The following GALNT9 variants were observed in gnomAD, a reference collection of about 807,000 sequenced individuals.
GALNT9 encodes GalNAc transferase 9.
Under a neutral mutation model 63.1 loss-of-function variants are expected in GALNT9, and 47 were observed. That is an observed-to-expected ratio of 0.75 (90% CI 0.59 to 0.95). The LOEUF (loss-of-function observed/expected upper bound fraction) is 0.95, where lower values mean the gene tolerates loss of function less well. Among genes scored for constraint, GALNT9 ranks in the 40% least tolerant of loss-of-function variants. GALNT9 has a pLI of 0.00. For missense variants in GALNT9, 829 were observed against 874.8 expected, an observed-to-expected ratio of 0.95 and a Z score of 0.66; for synonymous variants, 396 against 365.7, an observed-to-expected ratio of 1.08 and a Z score of -0.94.
chr12:132,211,325 A>C (rs1396123995), intron 6 of GALNT9, among the ~76,000 whole-genome samples: 1 of 152,184 alleles, frequency 6.6e-6, no homozygotes. Context: ...TCTCATTGGC[A>C]AAAATGTGTT....
intron 1 of GALNT9, among the ~76,000 whole-genome samples, chr12:132,328,212 G>T (rs1310888853): frequency 1.3e-5 from 2 of 152,180 alleles, no homozygotes; most frequent in East Asian, 3.9e-4. Flanking sequence ...GGTGATGCCG[G>T]TGCTGCTCCT....
At chr12:132,304,278 C>T (rs1220531664) in intron 1 of GALNT9, among the ~76,000 whole-genome samples, 15 of 65,982 alleles carry the variant, frequency 2.3e-4, no homozygotes, top group South Asian at 8.0e-4. Context: ...CACCCTCGCC[C>T]GGGCACACCC....
At chr12:132,312,783 A>G (rs1881860263) in intron 1 of GALNT9, among the ~76,000 whole-genome samples, 1 of 152,160 alleles carries the variant, frequency 6.6e-6, no homozygotes, top group Admixed American at 6.5e-5. Flanking sequence ...GCCTGCCCTG[A>G]ACCCCTGTTG....
chr12:132,222,918 C>A (rs1474878064), intron 6 of GALNT9, among the ~76,000 whole-genome samples: 1 of 124,420 alleles, frequency 8.0e-6, no homozygotes, highest in Non-Finnish European at 1.8e-5. Flanking sequence ...CCACATACAT[C>A]CCACACAACC....
chr12:132,260,462 G>A (rs1381767287), intron 4 of GALNT9, among the ~76,000 whole-genome samples: 5 of 152,054 alleles, frequency 3.3e-5, no homozygotes, highest in South Asian at 2.1e-4. Flanking sequence ...CACTTCCCAC[G>A]CCCCTTGCAC....
At chr12:132,260,604 G>A (rs28478238) in intron 4 of GALNT9, among the ~76,000 whole-genome samples, 2 of 152,188 alleles carry the variant, frequency 1.3e-5, no homozygotes, top group African/African-American at 2.4e-5. Flanking sequence ...CACGGTACCC[G>A]AGCCTGCTGG....
intron 2 of GALNT9, chr12:132,283,173 T>A (rs1357430864): frequency 6.6e-6 from 1 of 152,410 alleles, no homozygotes; most frequent in Non-Finnish European, 1.5e-5. Context: ...ACAGCGGTGC[T>A]GGGATCCTCC....
chr12:132,293,471 C>G (rs1202489693), intron 1 of GALNT9, among the ~76,000 whole-genome samples: 4 of 152,204 alleles, frequency 2.6e-5, no homozygotes, highest in African/African-American at 4.8e-5. Flanking sequence ...ATGACCCATG[C>G]TGGAGCCAAG....
chr12:132,202,480 G>A (rs1057102561), intron 7 of GALNT9, among the ~76,000 whole-genome samples: 2 of 152,232 alleles, frequency 1.3e-5, no homozygotes. Context: ...CACACGCTGG[G>A]GTGCACTCTA....
intron 6 of GALNT9, among the ~76,000 whole-genome samples, chr12:132,206,724 G>T (rs1394634860): frequency 1.3e-5 from 2 of 152,044 alleles, no homozygotes; most frequent in African/African-American, 4.8e-5. Context: ...CCGTGGACCT[G>T]ACCGTGACCC....
intron 2 of GALNT9, among the ~76,000 whole-genome samples, chr12:132,268,132 C>T (rs1879719428): frequency 7.4e-6 from 1 of 135,270 alleles, no homozygotes; most frequent in South Asian, 2.6e-4. Context: ...CACACACACT[C>T]ACGCTCACAC....
chr12:132,276,382 A>T (rs535414499), intron 2 of GALNT9: 66 of 155,140 alleles, frequency 4.3e-4, no homozygotes, highest in African/African-American at 8.9e-4. Context: ...TATCTCCACG[A>T]TGGTACCTGG....
chr12:132,287,043 G>A (rs1370308148), intron 1 of GALNT9, among the ~76,000 whole-genome samples: 3 of 139,588 alleles, frequency 2.1e-5, no homozygotes, highest in African/African-American at 8.2e-5. Context: ...CACAGCAGGT[G>A]TGACACTGAG....
rs188967775 is a variant in GALNT9, at chr12:132,316,694, C to T, written c.238+12272G>A. On this transcript the variant is annotated intron_variant, in intron 1 of 10. Transcript: ENST00000328957. The surrounding 1 kb of genome is among the most constrained non-coding windows in gnomAD (Gnocchi z 4.3). ...AGTCCCTCAGCCACCCTTTCAGATC[C>T]GACAGGGACGCCCACCCCAGCCCAC... Among the ~76,000 whole-genome samples, 10 of 152,148 alleles carry T rather than the reference C, an allele frequency of 6.6e-5. No homozygotes were observed. Among genetic ancestry groups the T allele is most frequent in the South Asian group, 2.1e-4 (1 of 4,824 alleles).
rs186157551 is a variant in GALNT9 at position 132,310,452 on chromosome 12, C to G, written c.238+18514G>C. On this transcript the variant is annotated intron_variant, in intron 1 of 10. Coordinates refer to ENST00000328957, the MANE Select transcript of GALNT9 (RefSeq NM_001122636.2). The surrounding 1 kb of genome is among the most constrained non-coding windows in gnomAD (Gnocchi z 4.8). The stretch of plus-strand genomic sequence containing the variant: ...ACAGCCCCACCCAGAAGGACGGGGC[C>G]GGCCATCTCCTGGAGGCTGAGAGCC... Among the ~76,000 whole-genome samples the G allele has an allele frequency of 1.3e-5, 2 of 152,158 alleles. No individual in the cohort carries two copies. The highest frequency in any genetic ancestry group is 2.1e-4 in the South Asian group (1 of 4,820).
chr12:132,261,532 G>A (rs1398929485), intron 3 of GALNT9, among the ~76,000 whole-genome samples: 2 of 152,188 alleles, frequency 1.3e-5, no homozygotes, highest in African/African-American at 2.4e-5. Flanking sequence ...ACAGGTAGCC[G>A]AGCTGGACTG....
chr12:132,323,338 G>A (rs372389432), intron 1 of GALNT9, among the ~76,000 whole-genome samples: 1 of 152,230 alleles, frequency 6.6e-6, no homozygotes, highest in Non-Finnish European at 1.5e-5. Flanking sequence ...GGGCTGCTGC[G>A]TTTGCAGACA....
chr12:132,264,373 G>A (rs1475668375), intron 2 of GALNT9, among the ~76,000 whole-genome samples: 2 of 152,226 alleles, frequency 1.3e-5, no homozygotes, highest in African/African-American at 4.8e-5. Context: ...AAGCCGAGCC[G>A]GGATGGCCTA....
intron 10 of GALNT9, 141 bp downstream of exon 10, chr12:132,197,651 A>C: frequency 1.5e-6 from 1 of 666,668 alleles, no homozygotes; most frequent in East Asian, 2.7e-5. Context: ...GGAACAGCTG[A>C]TCCAAGGCCC....
Sources: allele counts gnomAD v4.1 joint callset (sites outside exome capture counted in the v4.1 genomes callset), GRCh38; gene constraint gnomAD v4.1.1; non-coding constraint Gnocchi (gnomAD v3.1); transcripts MANE v1.5; gene names NCBI Gene and HGNC (gene_info 2026-07-23, HGNC 2026-07-21).